The following AKR7A2 variants were observed in gnomAD, a reference collection of about 807,000 sequenced individuals.
AKR7A2 encodes aldo-keto reductase family 7 member A2, also known as aflatoxin B1 aldehyde reductase member 2.
A neutral mutation model predicts 37.3 loss-of-function variants in AKR7A2; 29 were observed. That is an observed-to-expected ratio of 0.78 (90% CI 0.58 to 1.06). The LOEUF is 1.06. Ranked by LOEUF, AKR7A2 falls within the 50% of genes least tolerant of loss-of-function variation. The pLI is 0.00. For synonymous variants in AKR7A2, 228 were observed against 217.8 expected (o/e 1.05, Z -0.41); for missense variants, 529 against 497.9 (o/e 1.06, Z -0.59).
intron 6 of AKR7A2, 115 bp from the exon 7 acceptor site, chr1:19,304,501 G>A: frequency 6.3e-7 from 1 of 1,579,000 alleles, no homozygotes; most frequent in South Asian, 1.1e-5. Flanking sequence ...TTTATATCTT[G>A]TATGTCCAGA....
rs765968829 is a variant in AKR7A2 at position 19,304,175 on chromosome 1, G to GA, written c.*49dup. On this transcript the variant is annotated 3_prime_UTR_variant, in exon 7 of 7. Coordinates refer to ENST00000235835, the MANE Select transcript of AKR7A2 (RefSeq NM_003689.4). Reference sequence around the variant, plus strand: ...AAGGCCAAGACTGGTCAGTGTGAGAGAACAAAAGAGGTGACAGAAAAGCCT... The same window carrying GA: ...AAGGCCAAGACTGGTCAGTGTGAGAGAAACAAAAGAGGTGACAGAAAAGCCT... 6.2e-7 allele frequency: 1 copy of GA among 1,614,038 alleles called. No individual in the cohort carries two copies. Among genetic ancestry groups the GA allele is most frequent in the Non-Finnish European group, 8.5e-7 (1 of 1,179,872 alleles).
chr1:19,305,924 A>C (rs2093760669), intron 6 of AKR7A2, 94 bp downstream of exon 6: 4 of 1,601,318 alleles, frequency 2.5e-6, no homozygotes, highest in Non-Finnish European at 2.6e-6. Context: ...AAAATTTCAG[A>C]GGAATTCAGA....
chr1:19,312,003 A>C lies in AKR7A2; in HGVS notation c.122T>G (p.Val41Gly). 6.8e-7 allele frequency: 1 copy of C among 1,481,418 alleles called. No individual in the cohort carries two copies. Among genetic ancestry groups the C allele is most frequent in the Non-Finnish European group, 8.9e-7 (1 of 1,120,064 alleles). The allele number at this position is 1,481,418 out of a possible 1,614,324, so 91.8% of individuals were successfully genotyped here. ...GCGCCCCATCTCCATGGTGCCCAGC[A>C]CCGAGGCGACCCGCGGTGGCGGTGG... ...SRPPPPRVAS[V>G]LGTMEMGRRM... is the part of the protein sequence containing the mutation. The change falls in exon 1 of 7, where the codon GTG (valine) becomes GGG (glycine). Residue 41 changes from valine to glycine, a missense_variant. Coordinates refer to ENST00000235835, the MANE Select transcript of AKR7A2 (RefSeq NM_003689.4).
At chr1:19,306,858 G>A in intron 5 of AKR7A2, 144 bp downstream of exon 5, 1 of 751,730 alleles carries the variant, frequency 1.3e-6, no homozygotes, top group South Asian at 1.5e-5. Flanking sequence ...AAAACCCACA[G>A]AGGGCTTGGG....
At chr1:19,303,611 A>G (rs2093755886), downstream of AKR7A2, among the ~76,000 whole-genome samples, 2 of 152,362 alleles carry the variant, frequency 1.3e-5, no homozygotes, top group Middle Eastern at 3.4e-3. Flanking sequence ...GAGAGCTTCA[A>G]GATGTTCCAC....
chr1:19,306,040 A>G lies in AKR7A2; in HGVS notation c.896T>C (p.Met299Thr). 1 of 1,614,080 alleles carries G rather than the reference A, an allele frequency of 6.2e-7. No individual in the cohort carries two copies. Among genetic ancestry groups the G allele is most frequent in the East Asian group, 2.2e-5 (1 of 44,880 alleles). ...PSVTSAALRW[M>T]YHHSQLQGAH... ...TACCTGCAGCTGTGAGTGGTGGTAC[A>G]TCCACCGGAGGGCAGCCGAGGTCAC... is the stretch of plus-strand genomic sequence containing the variant. Residue 299 changes from methionine to threonine, a missense_variant, in exon 6 of 7, where the codon ATG (methionine) becomes ACG (threonine). Transcript: ENST00000235835.
intron 2 of AKR7A2, 85 bp downstream of exon 2, chr1:19,308,370 G>A (rs2093765870): frequency 6.3e-7 from 1 of 1,594,076 alleles, no homozygotes; most frequent in African/African-American, 1.3e-5. Context: ...CCCTGGGACT[G>A]CCCTGGTGCC....
At chr1:19,304,724 CAA>C (rs2093758184) in intron 6 of AKR7A2, among the ~76,000 whole-genome samples, 1 of 152,122 alleles carries the variant, frequency 6.6e-6, no homozygotes, top group Admixed American at 6.6e-5. Flanking sequence ...ACACTTGAGC[CAA>C]AGTGTTCAAG....
In AKR7A2 at chr1:19,311,902, A is replaced by AT; in HGVS notation, c.222_223insA (p.Phe75IlefsTer43). Reference sequence around the variant, plus strand: ...TCGGACTGGCCGTCGCTGTACATGAAGGCCGTGTCCAGTTCGGTGTGGCCG... The same window carrying AT: ...TCGGACTGGCCGTCGCTGTACATGAATGGCCGTGTCCAGTTCGGTGTGGCCG... On this transcript the variant is annotated frameshift_variant, in exon 1 of 7. Transcript: ENST00000235835. LOFTEE classifies it high-confidence loss of function. 6.2e-7 allele frequency: 1 copy of AT among 1,610,726 alleles called. No homozygotes were observed. The highest frequency in any genetic ancestry group is 8.5e-7 in the Non-Finnish European group (1 of 1,179,482).
Position 19,311,841 on chromosome 1 carries a change from C to T in AKR7A2, c.284G>A (p.Gly95Asp), listed in dbSNP as rs781739496. 1 of 1,609,932 alleles carries T rather than the reference C, an allele frequency of 6.2e-7. No individual in the cohort carries two copies. The highest frequency in any genetic ancestry group is 2.2e-4 in the Middle Eastern group (1 of 4,484). The stretch of plus-strand genomic sequence containing the variant: ...GCTACTGTTACCTCTGCAGTCGCCA[C>T]CGCCCAGCCCGAGCCCCAGGCCGCC... ...ILGGLGLGLG[G>D]GDCRVKIATK... Residue 95 changes from glycine to aspartate, a missense_variant, in exon 1 of 7, where the codon GGT becomes GAT. Coordinates refer to ENST00000235835, the MANE Select transcript of AKR7A2 (RefSeq NM_003689.4).
intron 3 of AKR7A2, chr1:19,307,726 T>C: frequency 3.9e-6 from 2 of 515,822 alleles, no homozygotes; most frequent in Non-Finnish European, 7.0e-6. Flanking sequence ...AGGCAGTTAA[T>C]TACAATAAAG....
At position 19,312,007 on chromosome 1, in the gene AKR7A2, A is replaced by T. The variant is rs1284659516; in HGVS notation, c.118T>A (p.Ser40Thr). ...CCCATCTCCATGGTGCCCAGCACCGAGGCGACCCGCGGTGGCGGTGGCCGG... is the reference window on the plus strand; with the variant it reads ...CCCATCTCCATGGTGCCCAGCACCGTGGCGACCCGCGGTGGCGGTGGCCGG... ...MSRPPPPRVA[S>T]VLGTMEMGRR... is the part of the protein sequence containing the mutation. Residue 40 changes from serine to threonine, a missense_variant, in exon 1 of 7, where the codon TCG becomes ACG. Transcript: ENST00000235835. 2 of 1,477,910 alleles carry T rather than the reference A, an allele frequency of 1.4e-6. No individual in the cohort carries two copies. The highest frequency in any genetic ancestry group is 5.7e-5 in the East Asian group (2 of 35,226). 91.5% of individuals were successfully genotyped at this position (1,477,910 alleles called of 1,614,324 possible).
intron 1 of AKR7A2, among the ~76,000 whole-genome samples, chr1:19,310,414 G>A (rs1480452267): frequency 4.0e-5 from 6 of 151,656 alleles, no homozygotes; most frequent in African/African-American, 7.3e-5. Context: ...AGTATGTAAC[G>A]TGGCCGGGCG....
In AKR7A2 at chr1:19,308,218, T is replaced by C. The variant is rs757500829; in HGVS notation, c.531A>G (p.Glu177=). ...TGCAGAGGGTACAGATCTCGGCCAC[T>C]TCCCAGCTAGCATAGTTGGAGAGGC... is the stretch of plus-strand genomic sequence containing the variant. ...ELGLSNYASW[E]VAEICTLCKS... is the part of the protein sequence containing the mutation. The change falls in exon 3 of 7, where the codon GAA becomes GAG. Residue 177 remains glutamate (E), a synonymous_variant. Transcript: ENST00000235835. 6.2e-7 allele frequency: 1 copy of C among 1,613,712 alleles called. No individual in the cohort carries two copies. Among genetic ancestry groups the C allele is most frequent in the Non-Finnish European group, 8.5e-7 (1 of 1,179,884 alleles).
At position 19,312,057 on chromosome 1, in the gene AKR7A2, G is replaced by T; in HGVS notation, c.68C>A (p.Pro23His). ...GGACATGGCGAGCGCGCGGGCCTCG[G>T]GCGGCGGAGAGCGAAGCGCGCAGTG... is the stretch of plus-strand genomic sequence containing the variant. ...AVHCALRSPP[P>H]EARALAMSRP... Residue 23 changes from proline to histidine, a missense_variant, in exon 1 of 7, where the codon CCC (proline) becomes CAC (histidine). Physicochemically the swap from Pro to His is moderately conservative, Grantham distance 77 (BLOSUM62 -2). Transcript: ENST00000235835. 7.3e-7 allele frequency: 1 copy of T among 1,368,884 alleles called. No homozygotes were observed. Among genetic ancestry groups the T allele is most frequent in the Non-Finnish European group, 9.4e-7 (1 of 1,068,560 alleles). The allele number at this position is 1,368,884 out of a possible 1,614,324, so 84.8% of individuals were successfully genotyped here.
chr1:19,307,717 G>A (rs2093764342), intron 3 of AKR7A2: 2 of 524,416 alleles, frequency 3.8e-6, no homozygotes, highest in Non-Finnish European at 6.9e-6. Context: ...AGACAAGGAA[G>A]GCAGTTAATT....
chr1:19,308,736 T>C (rs2093767003), intron 1 of AKR7A2, 94 bp from the exon 2 acceptor site: 8 of 1,238,328 alleles, frequency 6.5e-6, no homozygotes, highest in Non-Finnish European at 9.4e-6. Context: ...TTGGCCTCAA[T>C]TGTATGATCT....
intron 1 of AKR7A2, 142 bp from the exon 2 acceptor site, chr1:19,308,784 G>A: frequency 1.2e-6 from 1 of 827,560 alleles, no homozygotes; most frequent in South Asian, 1.4e-5. Context: ...GTCCTCATTG[G>A]GAGGTCCTGG....
intron 6 of AKR7A2, among the ~76,000 whole-genome samples, chr1:19,304,608 C>G (rs1182649237): frequency 1.7e-4 from 26 of 152,186 alleles, no homozygotes; most frequent in Admixed American, 1.7e-3. Context: ...GAACTACATT[C>G]ACAGCCCAGT....
Sources: allele counts gnomAD v4.1 joint callset (sites outside exome capture counted in the v4.1 genomes callset), GRCh38; gene constraint gnomAD v4.1.1; transcripts MANE v1.5; gene names NCBI Gene and HGNC (gene_info 2026-07-23, HGNC 2026-07-21).